Variants in DMD observed in about 807,000 individuals in gnomAD.
DMD encodes mutant dystrophin.
A neutral mutation model predicts 330.1 loss-of-function variants in DMD; 63 were observed. The observed-to-expected ratio is 0.19, with a 90% CI of 0.16 to 0.24. The LOEUF is 0.24. DMD is among the 10% of genes least tolerant of loss of function. The pLI, the probability that DMD is intolerant of heterozygous loss-of-function variation, is 1.00. For synonymous variants in DMD, 1,223 were observed against 959.8 expected (o/e 1.27, Z -5.07); for missense variants, 3,344 against 2,684.1 (o/e 1.25, Z -5.43).
At chrX:33,236,158 C>T (rs755796557) in intron 1 of DMD, among the ~76,000 whole-genome samples, 71 of 108,176 alleles carry the variant, frequency 6.6e-4, no homozygotes, top group African/African-American at 2.2e-3. Flanking sequence ...CCTCGTGATC[C>T]GCCCGCCTCG....
chrX:31,421,940 C>T (rs868438217), intron 60 of DMD, among the ~76,000 whole-genome samples: 4 of 53,958 alleles, frequency 7.4e-5, no homozygotes, highest in African/African-American at 3.0e-4. Context: ...TATACACACA[C>T]ACATATATAT....
intron 7 of DMD, among the ~76,000 whole-genome samples, chrX:32,733,070 C>G (rs1162990584): frequency 9.2e-6 from 1 of 108,206 alleles, no homozygotes; most frequent in Non-Finnish European, 1.9e-5. Context: ...GGAGGAAGAT[C>G]TACCAAGCAA....
intron 51 of DMD, among the ~76,000 whole-genome samples, chrX:31,735,838 G>C (rs950340462): frequency 8.9e-6 from 1 of 111,806 alleles, no homozygotes; most frequent in Non-Finnish European, 1.9e-5. Context: ...AGAAAGTTAA[G>C]ATTATTCCAC....
intron 30 of DMD, among the ~76,000 whole-genome samples, chrX:32,394,349 T>A (rs932567721): frequency 3.6e-5 from 4 of 111,831 alleles, no homozygotes; most frequent in Non-Finnish European, 7.5e-5. Context: ...GATTTAAATT[T>A]CAGGGCTCTC....
chrX:31,824,218 G>A (rs1048150932), intron 49 of DMD, among the ~76,000 whole-genome samples: 2 of 111,409 alleles, frequency 1.8e-5, no homozygotes, highest in Non-Finnish European at 3.8e-5. Context: ...GGGTATGTAT[G>A]TGAAAGAAAT....
intron 7 of DMD, among the ~76,000 whole-genome samples, chrX:32,728,937 T>A (rs2067206911): frequency 8.9e-6 from 1 of 112,085 alleles, no homozygotes; most frequent in East Asian, 2.8e-4. Flanking sequence ...ACTCATTTAG[T>A]AAATATTTAC....
chrX:31,978,620 C>G (rs140689574), intron 44 of DMD, among the ~76,000 whole-genome samples: 1 of 111,800 alleles, frequency 8.9e-6, no homozygotes, highest in Non-Finnish European at 1.9e-5. Flanking sequence ...CTGAGAGATA[C>G]CTTTTTAGGC....
chrX:31,426,402 T>G lies in DMD; in HGVS notation c.9084+18079A>C, dbSNP rs758563740. On this transcript the variant is annotated intron_variant, in intron 60 of 78. Coordinates refer to ENST00000357033, the MANE Select transcript of DMD (RefSeq NM_004006.3). ...TGACATTCCATCTGCAATCTCCTGTTTCAACTGGCCGCAGCTCCAGGACCA... is the reference window on the plus strand; with the variant it reads ...TGACATTCCATCTGCAATCTCCTGTGTCAACTGGCCGCAGCTCCAGGACCA... 5.4e-5 allele frequency among the ~76,000 whole-genome samples: 6 copies of G among 112,103 alleles called. No homozygotes were observed. The South Asian group carries it at 2.2e-3, about 42-fold the overall frequency.
At chrX:32,766,336 T>C (rs1405294592) in intron 7 of DMD, among the ~76,000 whole-genome samples, 1 of 111,367 alleles carries the variant, frequency 9.0e-6, no homozygotes, top group African/African-American at 3.3e-5. Context: ...AAACCTGGGG[T>C]TCCTTTTCAT....
intron 13 of DMD, among the ~76,000 whole-genome samples, chrX:32,584,800 T>G (rs897996500): frequency 9.0e-6 from 1 of 111,117 alleles, no homozygotes; most frequent in Non-Finnish European, 1.9e-5. Context: ...TTGATGGAGG[T>G]TTCCTGGTTG....
rs757491344 is a variant in DMD at position 31,650,759 on chromosome X, A to C, written c.8027+7231T>G. Among the ~76,000 whole-genome samples the C allele has an allele frequency of 2.7e-5, 3 of 111,910 alleles. No homozygotes were observed. In the South Asian group the frequency reaches 1.1e-3, roughly 41 times the overall value. The stretch of plus-strand genomic sequence containing the variant: ...TTCATTTGTTTTTACTTTCAGAAAA[A>C]TTTGAGAATGCTTTTGGAAACATGT... On this transcript the variant is annotated intron_variant, in intron 54 of 78. Coordinates refer to ENST00000357033, the MANE Select transcript of DMD (RefSeq NM_004006.3).
At chrX:32,612,790 C>G (rs73463776) in intron 12 of DMD, among the ~76,000 whole-genome samples, 1,454 of 110,987 alleles carry the variant, frequency 0.013, 27 homozygotes, top group African/African-American at 0.045. Flanking sequence ...TTCCTGATGG[C>G]ATAGCAGACG....
intron 20 of DMD, among the ~76,000 whole-genome samples, chrX:32,489,067 C>G (rs1205074738): frequency 9.0e-6 from 1 of 111,221 alleles, no homozygotes; most frequent in Non-Finnish European, 1.9e-5. Context: ...CTCATTCTCC[C>G]AAAGCTTTGC....
chrX:31,471,460 G>A (rs1268960864), intron 59 of DMD, among the ~76,000 whole-genome samples: 2 of 111,570 alleles, frequency 1.8e-5, no homozygotes, highest in African/African-American at 6.5e-5. Flanking sequence ...GTGCTTCTGC[G>A]CCCTCTGTGG....
At chrX:32,864,047 T>C (rs1214682324) in intron 2 of DMD, among the ~76,000 whole-genome samples, 1 of 112,788 alleles carries the variant, frequency 8.9e-6, no homozygotes, top group Non-Finnish European at 1.9e-5. Flanking sequence ...CGTCTGTCAC[T>C]GCTATGCTTT....
intron 1 of DMD, among the ~76,000 whole-genome samples, chrX:33,076,252 C>G (rs759476370): frequency 2.7e-5 from 3 of 111,370 alleles, no homozygotes; most frequent in Non-Finnish European, 3.8e-5. Context: ...CCTTAAAAAC[C>G]CTGGTCCCCA....
chrX:31,676,391 G>A (rs530898996), intron 53 of DMD, among the ~76,000 whole-genome samples: 4 of 111,586 alleles, frequency 3.6e-5, no homozygotes, highest in East Asian at 2.8e-4. Context: ...AAACATTGTC[G>A]TTTCATTAAA....
intron 41 of DMD, 53 bp downstream of exon 41, chrX:32,342,047 T>G: frequency 8.8e-7 from 1 of 1,131,422 alleles, no homozygotes; most frequent in Non-Finnish European, 1.2e-6. Flanking sequence ...TAGGCCTCTG[T>G]TAATAGAGTA....
intron 2 of DMD, among the ~76,000 whole-genome samples, chrX:32,938,279 G>C (rs932122900): frequency 1.8e-5 from 2 of 111,271 alleles, no homozygotes; most frequent in Non-Finnish European, 3.8e-5. Context: ...TTGGGGTTGG[G>C]GGAAATAATA....
Sources: allele counts gnomAD v4.1 joint callset (sites outside exome capture counted in the v4.1 genomes callset), GRCh38; gene constraint gnomAD v4.1.1; transcripts MANE v1.5; gene names NCBI Gene and HGNC (gene_info 2026-07-23, HGNC 2026-07-21).